GABRG2: variants seen among roughly 807,000 people sequenced by gnomAD.
The protein encoded by GABRG2 is gamma-aminobutyric acid receptor subunit gamma-2.
In GABRG2, 16 loss-of-function variants were observed where a neutral mutation model predicts 56.4. The ratio of observed to expected loss-of-function variants is 0.28; its 90% CI spans 0.19 to 0.43. GABRG2 has a LOEUF of 0.43. GABRG2 is among the 20% of genes least tolerant of loss of function. The pLI, the probability that GABRG2 is intolerant of heterozygous loss-of-function variation, is 1.00. For missense variants in GABRG2, 327 were observed against 582.7 expected, an observed-to-expected ratio of 0.56 and a Z score of 4.52; for synonymous variants, 208 against 205.5, an observed-to-expected ratio of 1.01 and a Z score of -0.10.
intron 9 of GABRG2, chr5:162,152,438 T>G: frequency 2.1e-6 from 1 of 478,966 alleles, no homozygotes; most frequent in Non-Finnish European, 4.1e-6. Context: ...TAGCAGGAAA[T>G]TTGACAAGTA....
chr5:162,146,318 T>C (rs1254618017), intron 7 of GABRG2, among the ~76,000 whole-genome samples: 3 of 152,098 alleles, frequency 2.0e-5, no homozygotes, highest in Admixed American at 6.5e-5. Context: ...ACTTACTATC[T>C]TGAACAAGTT....
chr5:162,138,484 A>T (rs1764304329), intron 6 of GABRG2, among the ~76,000 whole-genome samples: 1 of 152,164 alleles, frequency 6.6e-6, no homozygotes, highest in South Asian at 2.1e-4. Context: ...CTTTTAACAC[A>T]TTTAATTTAG....
At chr5:162,084,975 G>T (rs1759950708) in intron 1 of GABRG2, among the ~76,000 whole-genome samples, 1 of 151,764 alleles carries the variant, frequency 6.6e-6, no homozygotes, top group Non-Finnish European at 1.5e-5. Context: ...AAAAAATGCT[G>T]CATGAGACTA....
At chr5:162,151,524 T>A (rs1765371032) in intron 8 of GABRG2, 1 of 508,546 alleles carries the variant, frequency 2.0e-6, no homozygotes, top group Non-Finnish European at 3.4e-6. Context: ...ATTTCACTAG[T>A]AATTACAAAA....
In GABRG2 at chr5:162,149,185, G is replaced by A. The variant is rs398123523; in HGVS notation, c.1000G>A (p.Ala334Thr). The change falls in exon 8 of 10, where the codon GCG becomes ACG. Residue 334 changes from alanine to threonine, a missense_variant. Coordinates refer to ENST00000639213, the MANE Select transcript of GABRG2 (RefSeq NM_198904.4). ...KSLPKVSYVT[A>T]MDLFVSVCFI... ...GCTCCCCAAGGTCTCCTATGTCACA[G>A]CGATGGATCTCTTTGTATCTGTTTG... The A allele has an allele frequency of 3.1e-6, 5 of 1,614,026 alleles. No homozygotes were observed. Among genetic ancestry groups the A allele is most frequent in the Non-Finnish European group, 4.2e-6 (5 of 1,180,040 alleles).
At chr5:162,142,656 A>G (rs1764663519) in intron 7 of GABRG2, 1 of 348,620 alleles carries the variant, frequency 2.9e-6, no homozygotes, top group Non-Finnish European at 5.6e-6. Context: ...AGGACAAAAA[A>G]CCAAACACTG....
chr5:162,068,102 C>T lies in GABRG2; in HGVS notation c.103C>T (p.Pro35Ser), dbSNP rs747649928. 6.2e-7 allele frequency: 1 copy of T among 1,611,290 alleles called. No homozygotes were observed. The highest frequency in any genetic ancestry group is 1.1e-5 in the South Asian group (1 of 91,000). The change falls in exon 1 of 10, where the codon CCT (proline) becomes TCT (serine). Residue 35 changes from proline (P) to serine (S), a missense_variant. Coordinates refer to ENST00000639213, the MANE Select transcript of GABRG2 (RefSeq NM_198904.4). The stretch of plus-strand genomic sequence containing the variant: ...GATTCTGCTCCTGCTGTCGCTCTAC[C>T]CTGGGTAAGATGTGCCCTTTTTGGC... ...VWILLLLSLY[P>S]GFTSQKSDDD...
chr5:162,093,782 C>T (rs1047319918), intron 1 of GABRG2, 46 bp from the exon 2 acceptor site: 118 of 1,576,372 alleles, frequency 7.5e-5, no homozygotes, highest in Non-Finnish European at 9.7e-5. Flanking sequence ...TAAAAGTCAA[C>T]TTGTGTGTAA....
intron 8 of GABRG2, chr5:162,150,056 G>A (rs915286350): frequency 6.4e-6 from 1 of 156,334 alleles, no homozygotes; most frequent in East Asian, 1.9e-4. Flanking sequence ...GTGGAATGTG[G>A]GTATTGTCAC....
intron 6 of GABRG2, among the ~76,000 whole-genome samples, chr5:162,119,722 G>A (rs1341015079): frequency 6.6e-6 from 1 of 152,022 alleles, no homozygotes; most frequent in Admixed American, 6.6e-5. Flanking sequence ...TTACTACAAC[G>A]GAGCACATCA....
chr5:162,091,058 G>A (rs976604810), intron 1 of GABRG2, among the ~76,000 whole-genome samples: 7 of 152,068 alleles, frequency 4.6e-5, no homozygotes, highest in African/African-American at 1.7e-4. Flanking sequence ...TTATGCATCA[G>A]CTCCTTTAAT....
intron 6 of GABRG2, among the ~76,000 whole-genome samples, chr5:162,137,784 A>G (rs1764243226): frequency 6.6e-6 from 1 of 151,638 alleles, no homozygotes; most frequent in African/African-American, 2.4e-5. Flanking sequence ...GGAGTGCAGG[A>G]GTCTGAGGTG....
chr5:162,101,191 A>C (rs1347394223), intron 4 of GABRG2, 44 bp from the exon 5 acceptor site: 2 of 1,287,802 alleles, frequency 1.6e-6, no homozygotes, highest in Non-Finnish European at 2.3e-6. Context: ...ACAATTTAAA[A>C]TTATGTCTAA....
intron 6 of GABRG2, among the ~76,000 whole-genome samples, chr5:162,108,780 A>T (rs1337071154): frequency 6.6e-6 from 1 of 152,186 alleles, no homozygotes; most frequent in East Asian, 1.9e-4. Context: ...ATGGAAGGCA[A>T]CAATATTACT....
chr5:162,103,818 T>C, intron 5 of GABRG2, 71 bp from the exon 6 acceptor site: 1 of 1,540,024 alleles, frequency 6.5e-7, no homozygotes, highest in South Asian at 1.1e-5. Context: ...AGTGTCATGT[T>C]CATAGAAGAT....
intron 4 of GABRG2, chr5:162,098,869 A>C (rs1761201988): frequency 6.6e-6 from 1 of 152,190 alleles, no homozygotes; most frequent in African/African-American, 2.4e-5. Flanking sequence ...TTGACATCAC[A>C]ACTGAGCAAA....
intron 1 of GABRG2, among the ~76,000 whole-genome samples, chr5:162,088,016 C>A (rs568383308): frequency 6.6e-6 from 1 of 152,160 alleles, no homozygotes; most frequent in East Asian, 1.9e-4. Context: ...TAATTCTACC[C>A]TGTTTGCATG....
chr5:162,114,223 A>T (rs1386285813), intron 6 of GABRG2, among the ~76,000 whole-genome samples: 2 of 152,130 alleles, frequency 1.3e-5, no homozygotes, highest in East Asian at 3.9e-4. Flanking sequence ...TACAATCTCC[A>T]GTTTACCAAA....
chr5:162,121,891 T>C (rs1361466471), intron 6 of GABRG2, among the ~76,000 whole-genome samples: 3 of 152,114 alleles, frequency 2.0e-5, no homozygotes, highest in South Asian at 4.1e-4. Flanking sequence ...TTTAATGTAA[T>C]TGAAGGCATT....
Sources: gnomAD v4.1 joint callset for allele counts (sites outside exome capture counted in the v4.1 genomes callset) on GRCh38, gnomAD v4.1.1 for gene constraint, MANE v1.5 for transcripts, NCBI Gene and HGNC (gene_info 2026-07-23, HGNC 2026-07-21) for gene names.